KAT2B: variants seen among roughly 807,000 people sequenced by gnomAD.
KAT2B encodes histone acetyltransferase KAT2B.
A neutral mutation model predicts 105.9 loss-of-function variants in KAT2B; 36 were observed. The observed-to-expected ratio is 0.34, with a 90% CI of 0.26 to 0.45. The LOEUF is 0.45. Ranked by LOEUF, KAT2B falls within the 20% of genes least tolerant of loss-of-function variation. The pLI, the probability that KAT2B is intolerant of heterozygous loss-of-function variation, is 1.00. For synonymous variants in KAT2B, 397 were observed against 377.9 expected (o/e 1.05, Z -0.59); for missense variants, 820 against 1,021.6 (o/e 0.80, Z 2.69).
chr3:20,076,254 G>A lies in KAT2B; in HGVS notation c.430+3795G>A, dbSNP rs534502904. ...CATGTATTTTAATATATATGATCAGGAAAAGGTCTGGAAGGATGTATATTG... is the reference window on the plus strand; with the variant it reads ...CATGTATTTTAATATATATGATCAGAAAAAGGTCTGGAAGGATGTATATTG... On this transcript the variant is annotated intron_variant, in intron 2 of 17. Transcript: ENST00000263754. 3.9e-5 allele frequency among the ~76,000 whole-genome samples: 6 copies of A among 152,266 alleles called. No individual in the cohort carries two copies. In the South Asian group the frequency reaches 6.2e-4, roughly 16 times the overall value.
intron 3 of KAT2B, among the ~76,000 whole-genome samples, chr3:20,097,727 G>T (rs1273759772): frequency 1.3e-5 from 2 of 151,906 alleles, no homozygotes; most frequent in Non-Finnish European, 2.9e-5. Flanking sequence ...AGTAGAGATG[G>T]GGTTTCACAT....
chr3:20,105,512 A>T (rs1698984444), intron 5 of KAT2B, among the ~76,000 whole-genome samples: 1 of 152,198 alleles, frequency 6.6e-6, no homozygotes. Context: ...GCAGTAGCTG[A>T]TGCCTGTAAT....
chr3:20,091,346 A>G (rs189795733), intron 2 of KAT2B, among the ~76,000 whole-genome samples: 16 of 152,170 alleles, frequency 1.1e-4, no homozygotes, highest in Admixed American at 7.9e-4. Context: ...ATCAGTTATA[A>G]TGTCTCCTTT....
At chr3:20,067,871 T>C (rs1320903800) in intron 1 of KAT2B, among the ~76,000 whole-genome samples, 1 of 151,814 alleles carries the variant, frequency 6.6e-6, no homozygotes, top group Non-Finnish European at 1.5e-5. Flanking sequence ...GATGGGGTCT[T>C]GCCATGTTGG....
chr3:20,074,261 G>A (rs912649126), intron 2 of KAT2B, among the ~76,000 whole-genome samples: 1 of 152,188 alleles, frequency 6.6e-6, no homozygotes, highest in African/African-American at 2.4e-5. Context: ...CAATGTAGGA[G>A]ATGATTGTGA....
At chr3:20,058,136 G>C (rs1698032578) in intron 1 of KAT2B, among the ~76,000 whole-genome samples, 1 of 151,906 alleles carries the variant, frequency 6.6e-6, no homozygotes, top group Non-Finnish European at 1.5e-5. Context: ...ATTCCTTGTG[G>C]CTTCACAGAC....
At chr3:20,122,275 T>C (rs1386204541) in intron 8 of KAT2B, among the ~76,000 whole-genome samples, 1 of 152,158 alleles carries the variant, frequency 6.6e-6, no homozygotes, top group Non-Finnish European at 1.5e-5. Context: ...TTATTTTAGG[T>C]CATAAGGTAA....
chr3:20,040,841 C>G (rs1697702937), intron 1 of KAT2B, 61 bp downstream of exon 1: 2 of 1,479,248 alleles, frequency 1.4e-6, no homozygotes, highest in East Asian at 2.7e-5. Flanking sequence ...GCGGGACCCC[C>G]CTCCCCCTCC....
At chr3:20,066,935 C>T (rs1026331866) in intron 1 of KAT2B, among the ~76,000 whole-genome samples, 5 of 152,120 alleles carry the variant, frequency 3.3e-5, no homozygotes, top group African/African-American at 1.2e-4. Flanking sequence ...CATAACACAT[C>T]TCAATTTTTA....
At chr3:20,090,433 A>G (rs1698696340) in intron 2 of KAT2B, among the ~76,000 whole-genome samples, 1 of 152,170 alleles carries the variant, frequency 6.6e-6, no homozygotes, top group Non-Finnish European at 1.5e-5. Flanking sequence ...ATTTTGTCAA[A>G]TGCTTTTTCT....
intron 11 of KAT2B, 119 bp from the exon 12 acceptor site, chr3:20,136,823 C>A: frequency 1.9e-6 from 1 of 529,268 alleles, no homozygotes; most frequent in Non-Finnish European, 3.4e-6. Flanking sequence ...CAGGAAAGGT[C>A]CTGGTTGGTA....
rs901131409 is a variant in KAT2B at position 20,094,954 on chromosome 3, C to T, written c.431-309C>T. Among the ~76,000 whole-genome samples, 4 of 152,110 alleles carry T rather than the reference C, an allele frequency of 2.6e-5. No homozygotes were observed. The East Asian group carries it at 7.7e-4, about 29-fold the overall frequency. ...TTATATGGAAACCTAAGAAGTTGAC[C>T]CTATTAGGACCAGTCTTGATGCTAC... On this transcript the variant is annotated intron_variant, in intron 2 of 17. Coordinates refer to ENST00000263754, the MANE Select transcript of KAT2B (RefSeq NM_003884.5).
In KAT2B at chr3:20,093,580, G is replaced by A. The variant is rs116280657; in HGVS notation, c.431-1683G>A. ...TGAGCATTGTGGTTCAATGGTGAGC[G>A]CATCATGGTCTCCAGAGTAGACTGA... On this transcript the variant is annotated intron_variant, in intron 2 of 17. Transcript: ENST00000263754. 4.0e-3 allele frequency among the ~76,000 whole-genome samples: 604 copies of A among 152,224 alleles called. 2 individuals carry two copies. Among genetic ancestry groups the A allele is most frequent in the Non-Finnish European group, 6.9e-3 (467 of 68,008 alleles).
intron 1 of KAT2B, among the ~76,000 whole-genome samples, chr3:20,049,929 G>A (rs964211413): frequency 6.6e-6 from 1 of 152,188 alleles, no homozygotes; most frequent in African/African-American, 2.4e-5. Context: ...GCTGGGCACC[G>A]TGGCTCCCCC....
chr3:20,123,520 G>T (rs1431883130), intron 9 of KAT2B, among the ~76,000 whole-genome samples: 1 of 152,126 alleles, frequency 6.6e-6, no homozygotes, highest in African/African-American at 2.4e-5. Flanking sequence ...GGGAATGTGT[G>T]GCTTGCAAAG....
At chr3:20,054,962 A>G (rs531524976) in intron 1 of KAT2B, among the ~76,000 whole-genome samples, 3 of 152,338 alleles carry the variant, frequency 2.0e-5, no homozygotes, top group Admixed American at 2.0e-4. Flanking sequence ...TTGAGGAGAC[A>G]GATATTAAGT....
chr3:20,154,119 T>G lies in KAT2B; in HGVS notation c.*1594T>G, dbSNP rs995820780. ...AAACAGTGCTTTGTACCGGATCTGC[T>G]GAAGCATCTGTCCAGCTGGTATCCT... On this transcript the variant is annotated 3_prime_UTR_variant, in exon 18 of 18. Transcript: ENST00000263754. 1 of 152,784 alleles carries G rather than the reference T, an allele frequency of 6.5e-6. No homozygotes were observed. Among genetic ancestry groups the G allele is most frequent in the Non-Finnish European group, 1.5e-5 (1 of 68,024 alleles). 9.5% of individuals were successfully genotyped at this position (152,784 alleles called of 1,614,324 possible). A position where few individuals can be genotyped will look rare whatever the true frequency, so the allele number is the denominator to read the frequency against.
At chr3:20,148,367 T>C (rs764646719) in intron 16 of KAT2B, 36 bp from the exon 17 acceptor site, 1 of 1,610,180 alleles carries the variant, frequency 6.2e-7, no homozygotes, top group Non-Finnish European at 8.5e-7. Context: ...ACATGGAATT[T>C]CCATATTAGA....
chr3:20,109,608 A>T (rs1341497762), intron 5 of KAT2B, among the ~76,000 whole-genome samples: 1 of 152,288 alleles, frequency 6.6e-6, no homozygotes. Context: ...GTAAGCCACC[A>T]TGCCATGCCT....
Sources: gnomAD v4.1 joint callset for allele counts (sites outside exome capture counted in the v4.1 genomes callset) on GRCh38, gnomAD v4.1.1 for gene constraint, MANE v1.5 for transcripts, NCBI Gene and HGNC (gene_info 2026-07-23, HGNC 2026-07-21) for gene names.